Variants in WDR90 observed in about 807,000 individuals in gnomAD.
The protein encoded by WDR90 is WD repeat-containing protein 90.
A neutral mutation model predicts 195.2 loss-of-function variants in WDR90; 238 were observed. The observed-to-expected ratio is 1.22, with a 90% confidence interval of 1.10 to 1.36. The LOEUF (loss-of-function observed/expected upper bound fraction) is 1.36, where lower values mean the gene tolerates loss of function less well. Ranked by LOEUF, WDR90 falls within the 40% of genes most tolerant of loss-of-function variation. The probability of loss-of-function intolerance (pLI) is 0.00; values close to 1 mark genes in which losing one functional copy is unlikely to be tolerated. For synonymous variants in WDR90, 1,265 were observed against 1,052.4 expected (o/e 1.20, Z -3.91); for missense variants, 2,734 against 2,439.5 (o/e 1.12, Z -2.54).
At position 667,666 on chromosome 16, in the gene WDR90, C is replaced by T; in HGVS notation, c.*77C>T. ...CTGGACACAGGCTTGGCAGAGGCGC[C>T]AGGTTGTCAATGGCCTCATGCTGGG... is the stretch of plus-strand genomic sequence containing the variant. On this transcript the variant is annotated 3_prime_UTR_variant, in exon 41 of 41. Transcript: ENST00000293879. The T allele has an allele frequency of 6.3e-7, 1 of 1,582,160 alleles. No individual in the cohort carries two copies. The highest frequency in any genetic ancestry group is 8.5e-7 in the Non-Finnish European group (1 of 1,170,818).
At position 656,341 on chromosome 16, in the gene WDR90, A is replaced by C. The variant is rs1301906406; in HGVS notation, c.2006A>C (p.Asp669Ala). 1 of 1,602,258 alleles carries C rather than the reference A, an allele frequency of 6.2e-7. No homozygotes were observed. Among genetic ancestry groups the C allele is most frequent in the Admixed American group, 1.7e-5 (1 of 59,882 alleles). ...GTCAGCTCAGTCTGTGTCAGCCCCG[A>C]TGGCCTCCGTGTGCTGTCTGCCACC... ...GPVSSVCVSP[D>A]GLRVLSATSS... The change falls in exon 18 of 41, where the codon GAT becomes GCT. Residue 669 changes from aspartate to alanine, a missense_variant. Asp to Ala is a moderately radical substitution (Grantham distance 126). Coordinates refer to ENST00000293879, the MANE Select transcript of WDR90 (RefSeq NM_145294.5).
At chr16:649,494 C>A (rs915680401) in intron 1 of WDR90, 68 bp downstream of exon 1, 1 of 1,279,230 alleles carries the variant, frequency 7.8e-7, no homozygotes, top group Non-Finnish European at 9.8e-7. Flanking sequence ...GGGTCGGCGG[C>A]CGGAGCGCTC....
In WDR90 at chr16:649,994, A is replaced by T; in HGVS notation, c.106A>T (p.Lys36Ter). 1 of 1,612,566 alleles carries T rather than the reference A, an allele frequency of 6.2e-7. No individual in the cohort carries two copies. The highest frequency in any genetic ancestry group is 8.5e-7 in the Non-Finnish European group (1 of 1,179,848). ...ATGCGGGCTCCCGCTTCTCCAGGAC[A>T]AGACCCTGAAGGGCGCCGTGTATCG... Reference protein sequence around the residue: ...KQGDVAVVTDKTLKGAVYRIR... With the variant: ...KQGDVAVVTD The change falls in exon 3 of 41, where the codon AAG becomes TAG. Residue 36 changes from lysine (K) to a stop codon, truncating the protein, a stop_gained. Coordinates refer to ENST00000293879, the MANE Select transcript of WDR90 (RefSeq NM_145294.5). LOFTEE classifies it high-confidence loss of function.
intron 19 of WDR90, 50 bp downstream of exon 19, chr16:656,921 T>C: frequency 6.3e-7 from 1 of 1,590,920 alleles, no homozygotes; most frequent in Non-Finnish European, 8.6e-7. Flanking sequence ...CGGTGGAAGC[T>C]GGGGTGGCCA....
chr16:660,560 G>A, intron 27 of WDR90, 52 bp from the exon 28 acceptor site: 1 of 1,530,290 alleles, frequency 6.5e-7, no homozygotes, highest in East Asian at 2.5e-5. Context: ...AGGCTTTGGG[G>A]CACAGGTGGC....
intron 33 of WDR90, 76 bp from the exon 34 acceptor site, chr16:662,603 G>A (rs1431147616): frequency 1.3e-5 from 19 of 1,504,680 alleles, no homozygotes; most frequent in Non-Finnish European, 1.7e-5. Flanking sequence ...GCCCTGCCTC[G>A]GCTGGGGACC....
At position 652,012 on chromosome 16, in the gene WDR90, G is replaced by C; in HGVS notation, c.1026G>C (p.Val342=). ...THVLTHESAE[V]PVARTGSCEG... is the part of the protein sequence containing the mutation. ...TGTTGACTCACGAGTCGGCTGAGGT[G>C]CCCGTGGCCCGCACCGGCTCCTGCG... The change falls in exon 9 of 41, where the codon GTG becomes GTC. Residue 342 remains valine, a synonymous_variant. Coordinates refer to ENST00000293879, the MANE Select transcript of WDR90 (RefSeq NM_145294.5). 1 of 1,601,342 alleles carries C rather than the reference G, an allele frequency of 6.2e-7. No homozygotes were observed. Among genetic ancestry groups the C allele is most frequent in the East Asian group, 2.3e-5 (1 of 44,354 alleles).
In WDR90 at chr16:661,698, C is replaced by A. The variant is rs200883234; in HGVS notation, c.3775C>A (p.Pro1259Thr). 3,310 of 1,612,446 alleles carry A rather than the reference C, an allele frequency of 2.1e-3. 9 individuals carry two copies. The highest frequency in any genetic ancestry group is 2.1e-3 in the Non-Finnish European group (2,446 of 1,179,802). ...GCCGGTGCATGGTGTGGCCTTCAAC[C>A]CCTGGGACGCCGGCGAGCTCACCTG... ...PEPVHGVAFNPWDAGELTCVG... is the reference protein window; with the variant it reads ...PEPVHGVAFNTWDAGELTCVG... The change falls in exon 31 of 41, where the codon CCC becomes ACC. Residue 1259 changes from proline (P) to threonine (T), a missense_variant. Coordinates refer to ENST00000293879, the MANE Select transcript of WDR90 (RefSeq NM_145294.5).
chr16:660,866 C>A (rs2037882230), intron 28 of WDR90, 152 bp downstream of exon 28: 3 of 1,013,608 alleles, frequency 3.0e-6, no homozygotes, highest in South Asian at 1.7e-5. Flanking sequence ...GGCGCTCCAG[C>A]CGAGGTCCTG....
Position 655,765 on chromosome 16 carries a change from G to A in WDR90, c.1850-8G>A. On this transcript the variant is annotated splice_polypyrimidine_tract_variant and splice_region_variant and intron_variant, in intron 16 of 40. Coordinates refer to ENST00000293879, the MANE Select transcript of WDR90 (RefSeq NM_145294.5). Reference sequence around the variant, plus strand: ...GACACCGAGGCACTGACGCCTCCCTGCCCCCAGGCCCCGGCATTGCCATCA... The same window carrying A: ...GACACCGAGGCACTGACGCCTCCCTACCCCCAGGCCCCGGCATTGCCATCA... The A allele has an allele frequency of 6.3e-7, 1 of 1,582,680 alleles. No individual in the cohort carries two copies.
chr16:660,452 GCCCACAGCT>G, intron 27 of WDR90, 151 bp from the exon 28 acceptor site: 1 of 747,024 alleles, frequency 1.3e-6, no homozygotes. Context: ...CTGGCACAGT[GCCCACAGCT>G]CCCACACCTC....
rs767655884 is a variant in WDR90 at position 667,430 on chromosome 16, A to C, written c.5090-2A>C. The C allele has an allele frequency of 4.4e-6, 7 of 1,595,516 alleles. No homozygotes were observed. The East Asian group carries it at 1.3e-4, about 31-fold the overall frequency. On this transcript the variant is annotated splice_acceptor_variant, in intron 40 of 40. Transcript: ENST00000293879. LOFTEE classifies it high-confidence loss of function. ...TGGCCCACCTGCACCGTCTACCCAC[A>C]GAGTGCATGCTGAGGCTGGTAGACT...
At position 660,706 on chromosome 16, in the gene WDR90, C is replaced by T. The variant is rs1034941208; in HGVS notation, c.3383C>T (p.Pro1128Leu). Residue 1128 changes from proline (P) to leucine (L), a missense_variant, in exon 28 of 41, where the codon CCG becomes CTG. Coordinates refer to ENST00000293879, the MANE Select transcript of WDR90 (RefSeq NM_145294.5). ...GGGCGGGCCAACATGGTCTGGAGGC[C>T]GGACACAGGTGGGGGCCAAGAGCCT... ...GNGRANMVWR[P>L]DTGFFAYTCG... 21 of 1,566,146 alleles carry T rather than the reference C, an allele frequency of 1.3e-5. No homozygotes were observed. Among genetic ancestry groups the T allele is most frequent in the Middle Eastern group, 1.7e-4 (1 of 6,006 alleles).
intron 13 of WDR90, 93 bp downstream of exon 13, chr16:653,896 G>A (rs1596460538): frequency 6.8e-7 from 1 of 1,474,334 alleles, no homozygotes; most frequent in Non-Finnish European, 9.3e-7. Context: ...CCAGCTTCAT[G>A]TGACCCTGGG....
intron 1 of WDR90, 122 bp from the exon 2 acceptor site, chr16:649,641 C>A: frequency 8.5e-7 from 1 of 1,177,192 alleles, no homozygotes; most frequent in Non-Finnish European, 1.1e-6. Context: ...CTGGCGTTGG[C>A]GTCGCCGGGG....
intron 35 of WDR90, 34 bp from the exon 36 acceptor site, chr16:665,916 T>G (rs1445625395): frequency 3.8e-6 from 6 of 1,565,686 alleles, no homozygotes; most frequent in Non-Finnish European, 5.2e-6. Flanking sequence ...AGGGCCCCTG[T>G]GAGTGCTGAA....
Position 658,362 on chromosome 16 carries a change from G to A in WDR90, c.2766+18G>A, listed in dbSNP as rs2151269260. ...TCCGGGAGGTGAGCCTCAGGGCTGT[G>A]GCCCGCCGACCTGGCCCTCCCTGTG... On this transcript the variant is annotated intron_variant, in intron 22 of 40. Transcript: ENST00000293879. 1 of 1,610,082 alleles carries A rather than the reference G, an allele frequency of 6.2e-7. No individual in the cohort carries two copies. Among genetic ancestry groups the A allele is most frequent in the South Asian group, 1.1e-5 (1 of 90,808 alleles).
rs1042399610 is a variant in WDR90 at position 657,946 on chromosome 16, G to A, written c.2604+54G>A. The stretch of plus-strand genomic sequence containing the variant: ...GAGACTGGGCCATGAGAGGCTGGCT[G>A]CAGGGGCAGGAGGGAGGTCACGGCC... On this transcript the variant is annotated intron_variant, in intron 21 of 40. Coordinates refer to ENST00000293879, the MANE Select transcript of WDR90 (RefSeq NM_145294.5). 50 of 1,494,804 alleles carry A rather than the reference G, an allele frequency of 3.3e-5. No homozygotes were observed. In the African/African-American group the frequency reaches 6.3e-4, roughly 19 times the overall value. The allele number at this position is 1,494,804 out of a possible 1,614,324, so 92.6% of individuals were successfully genotyped here.
In WDR90 at chr16:650,553, G is replaced by C. The variant is rs1162547712; in HGVS notation, c.403G>C (p.Ala135Pro). The C allele has an allele frequency of 6.2e-7, 1 of 1,609,516 alleles. No homozygotes were observed. The highest frequency in any genetic ancestry group is 8.5e-7 in the Non-Finnish European group (1 of 1,177,844). Residue 135 changes from alanine to proline, a missense_variant, in exon 5 of 41, where the codon GCC becomes CCC. Transcript: ENST00000293879. Reference sequence around the variant, plus strand: ...CCATCCTGCAGATCTGGTGGGTTTGGCCCCCTCCGGAGCCCGCTGGACCTG... The same window carrying C: ...CCATCCTGCAGATCTGGTGGGTTTGCCCCCCTCCGGAGCCCGCTGGACCTG... ...RTPQRDLVGL[A>P]PSGARWTCLQ...
Sources: allele counts gnomAD v4.1 joint callset, GRCh38; gene constraint gnomAD v4.1.1; transcripts MANE v1.5; gene names NCBI Gene and HGNC (gene_info 2026-07-23, HGNC 2026-07-21).